The following EBF1 variants were observed in gnomAD, a reference collection of about 807,000 sequenced individuals.
EBF1 encodes the protein transcription factor COE1.
A neutral mutation model predicts 68.4 loss-of-function variants in EBF1; 10 were observed. The observed-to-expected ratio is 0.15, with a 90% CI of 0.09 to 0.25. The LOEUF (loss-of-function observed/expected upper bound fraction) is 0.25, where lower values mean the gene tolerates loss of function less well. Ranked by LOEUF, EBF1 falls within the 10% of genes least tolerant of loss-of-function variation. The probability of loss-of-function intolerance (pLI) is 1.00; values close to 1 mark genes in which losing one functional copy is unlikely to be tolerated. For synonymous variants in EBF1, 298 were observed against 299.8 expected, an observed-to-expected ratio of 0.99 and a Z score of 0.06; for missense variants, 509 against 794.4, an observed-to-expected ratio of 0.64 and a Z score of 4.32.
intron 6 of EBF1, among the ~76,000 whole-genome samples, chr5:159,034,808 G>C (rs185361086): frequency 6.6e-6 from 1 of 152,044 alleles, no homozygotes; most frequent in Non-Finnish European, 1.5e-5. Flanking sequence ...TGAGACTCAT[G>C]ATGGAGCTCC....
chr5:158,797,974 T>C (rs1779881554), intron 8 of EBF1, among the ~76,000 whole-genome samples: 1 of 152,074 alleles, frequency 6.6e-6, no homozygotes, highest in African/African-American at 2.4e-5. Context: ...ATAGGGCTTT[T>C]TCTTAAACAA....
At chr5:159,021,883 TGGACC>T (rs1358197554) in intron 6 of EBF1, among the ~76,000 whole-genome samples, 3 of 152,138 alleles carry the variant, frequency 2.0e-5, no homozygotes, top group Non-Finnish European at 4.4e-5. Flanking sequence ...ATGGCCTTAA[TGGACC>T]CTGTGGTGTT....
At chr5:158,860,363 T>C (rs1199973258) in intron 6 of EBF1, among the ~76,000 whole-genome samples, 2 of 152,232 alleles carry the variant, frequency 1.3e-5, no homozygotes, top group Non-Finnish European at 2.9e-5. Context: ...TGTGTTCTTG[T>C]TCACGACACT....
chr5:158,855,524 C>G (rs370377959), intron 6 of EBF1, among the ~76,000 whole-genome samples: 1 of 152,148 alleles, frequency 6.6e-6, no homozygotes, highest in African/African-American at 2.4e-5. Context: ...CACCCTGGGT[C>G]CTGGAGGGAT....
At chr5:158,909,835 G>T (rs989828223) in intron 6 of EBF1, among the ~76,000 whole-genome samples, 1 of 151,848 alleles carries the variant, frequency 6.6e-6, no homozygotes, top group African/African-American at 2.4e-5. Flanking sequence ...TATTCAGGAG[G>T]CTGAGGCAGG....
At chr5:158,758,169 T>C (rs1022239145) in intron 10 of EBF1, among the ~76,000 whole-genome samples, 2 of 152,348 alleles carry the variant, frequency 1.3e-5, no homozygotes, top group East Asian at 1.9e-4. Flanking sequence ...TAAATGATAA[T>C]GTAATCTCTC....
At chr5:158,727,007 A>G (rs1183693129) in intron 11 of EBF1, among the ~76,000 whole-genome samples, 2 of 152,224 alleles carry the variant, frequency 1.3e-5, no homozygotes, top group African/African-American at 4.8e-5. Context: ...TATCTCATTA[A>G]CACCTGACAA....
At chr5:158,744,785 G>A (rs2127578143) in intron 10 of EBF1, among the ~76,000 whole-genome samples, 1 of 152,340 alleles carries the variant, frequency 6.6e-6, no homozygotes, top group Non-Finnish European at 1.5e-5. Context: ...CAAGGCAAAA[G>A]CTGTCACATT....
intron 6 of EBF1, among the ~76,000 whole-genome samples, chr5:158,922,643 T>G (rs1386587765): frequency 6.6e-6 from 1 of 152,198 alleles, no homozygotes; most frequent in Admixed American, 6.5e-5. Context: ...GTTAAGAAGC[T>G]GAAAAACAGC....
intron 7 of EBF1, among the ~76,000 whole-genome samples, chr5:158,828,389 G>T (rs778369729): frequency 6.6e-6 from 1 of 152,088 alleles, no homozygotes; most frequent in Non-Finnish European, 1.5e-5. Context: ...CATTAGAGAG[G>T]TCTCTAATCC....
chr5:158,773,212 G>T (rs1486346416), intron 10 of EBF1, among the ~76,000 whole-genome samples: 2 of 152,120 alleles, frequency 1.3e-5, no homozygotes, highest in Non-Finnish European at 2.9e-5. Flanking sequence ...CATAGTAAAA[G>T]ATGTCAAGTT....
At chr5:158,786,845 AG>A (rs1417388677) in intron 9 of EBF1, among the ~76,000 whole-genome samples, 3 of 152,336 alleles carry the variant, frequency 2.0e-5, no homozygotes, top group South Asian at 2.1e-4. Context: ...AAAATATAAA[AG>A]CCAAAAGACT....
intron 6 of EBF1, among the ~76,000 whole-genome samples, chr5:158,859,067 A>T (rs984706923): frequency 6.6e-6 from 1 of 152,210 alleles, no homozygotes; most frequent in Non-Finnish European, 1.5e-5. Context: ...CTACCAAAAG[A>T]AAAATCAGCC....
chr5:158,909,234 G>A lies in EBF1; in HGVS notation c.555-69124C>T, dbSNP rs149480606. Among the ~76,000 whole-genome samples, 311 of 152,284 alleles carry A rather than the reference G, an allele frequency of 2.0e-3. 3 individuals are homozygous for A. The highest frequency in any genetic ancestry group is 7.3e-3 in the African/African-American group (303 of 41,556). On this transcript the variant is annotated intron_variant, in intron 6 of 15. Transcript: ENST00000313708. ...GTTTGCATTCCTTCTCTGGTGGAAC[G>A]GCAACATATACTCAGGTTAGGATGG...
intron 6 of EBF1, among the ~76,000 whole-genome samples, chr5:159,000,802 G>A (rs891688107): frequency 6.6e-6 from 1 of 152,126 alleles, no homozygotes; most frequent in Non-Finnish European, 1.5e-5. Context: ...ACCAATGAGT[G>A]ATGTTACAAA....
intron 6 of EBF1, among the ~76,000 whole-genome samples, chr5:159,040,187 C>T (rs7706733): frequency 1.4e-4 from 21 of 152,208 alleles, no homozygotes; most frequent in African/African-American, 4.3e-4. Context: ...AGGAAAGTGC[C>T]GCACACCAGC....
intron 6 of EBF1, among the ~76,000 whole-genome samples, chr5:158,956,772 T>G (rs1295250608): frequency 6.8e-6 from 1 of 147,442 alleles, no homozygotes; most frequent in East Asian, 1.9e-4. Flanking sequence ...TTTTTTTTTT[T>G]TTTTGAGATG....
At chr5:158,901,070 T>C (rs1477834495) in intron 6 of EBF1, among the ~76,000 whole-genome samples, 1 of 152,248 alleles carries the variant, frequency 6.6e-6, no homozygotes, top group Non-Finnish European at 1.5e-5. Flanking sequence ...GTCAGTCTAC[T>C]CCTGGACTAT....
At chr5:158,788,990 CTGTT>C (rs1778017906) in intron 9 of EBF1, among the ~76,000 whole-genome samples, 1 of 149,776 alleles carries the variant, frequency 6.7e-6, no homozygotes. Flanking sequence ...CCATTTTTAT[CTGTT>C]TTTTTTTTAA....
Sources: gnomAD v4.1 joint callset for allele counts (sites outside exome capture counted in the v4.1 genomes callset) on GRCh38, gnomAD v4.1.1 for gene constraint, MANE v1.5 for transcripts, NCBI Gene and HGNC (gene_info 2026-07-23, HGNC 2026-07-21) for gene names.